Variants in ZNF469 observed in about 807,000 individuals in gnomAD.
ZNF469 encodes zinc finger protein 469.
Under a neutral mutation model 1.0 loss-of-function variants are expected in ZNF469, and 1 was observed. The ratio of observed to expected loss-of-function variants is 1.00; its 90% CI spans 0.35 to 4.73. ZNF469 has a LOEUF of 4.73. ZNF469 is among the 30% of genes most tolerant of loss of function. ZNF469 has a pLI of 0.16. For synonymous variants in ZNF469, 2,703 were observed against 2,363.4 expected, an observed-to-expected ratio of 1.14 and a Z score of -4.17; for missense variants, 6,100 against 5,356.3, an observed-to-expected ratio of 1.14 and a Z score of -4.33.
chr16:88,107,702 G>A, the ZNF469 span, among the ~76,000 whole-genome samples: 2 of 152,216 alleles, frequency 1.3e-5, no homozygotes, highest in African/African-American at 4.8e-5. Context: ...CCCACACAGA[G>A]GCAATGGCCC....
the ZNF469 span, among the ~76,000 whole-genome samples, chr16:88,255,482 C>T: frequency 9.7e-4 from 147 of 152,322 alleles, 1 homozygote; most frequent in African/African-American, 3.4e-3. Flanking sequence ...CAACATTGAG[C>T]AGAAGGTACA....
At chr16:88,176,512 T>G in the ZNF469 span, among the ~76,000 whole-genome samples, 1 of 152,098 alleles carries the variant, frequency 6.6e-6, no homozygotes, top group African/African-American at 2.4e-5. Context: ...GCCAGGAGCT[T>G]CTCCACTAGG....
chr16:88,215,634 C>G, the ZNF469 span, among the ~76,000 whole-genome samples: 1 of 151,994 alleles, frequency 6.6e-6, no homozygotes, highest in South Asian at 2.1e-4. Context: ...AGATGATCTG[C>G]CCACCTCGGC....
intron 1 of ZNF469, among the ~76,000 whole-genome samples, chr16:88,413,669 G>A (rs757279043): frequency 3.3e-5 from 5 of 152,228 alleles, no homozygotes; most frequent in Non-Finnish European, 7.3e-5. Flanking sequence ...CTAGCTGGGC[G>A]TTGAACTCGG....
chr16:88,204,088 G>T, the ZNF469 span, among the ~76,000 whole-genome samples: 1 of 151,086 alleles, frequency 6.6e-6, no homozygotes, highest in Non-Finnish European at 1.5e-5. Flanking sequence ...TAACCCCATA[G>T]AGCAGCCGGA....
the ZNF469 span, among the ~76,000 whole-genome samples, chr16:88,123,143 G>A: frequency 2.0e-5 from 3 of 152,116 alleles, no homozygotes; most frequent in Admixed American, 6.6e-5. Context: ...GCACCATCCC[G>A]AGACTACCCA....
the ZNF469 span, among the ~76,000 whole-genome samples, chr16:88,227,228 C>G: frequency 2.6e-5 from 4 of 152,180 alleles, no homozygotes; most frequent in African/African-American, 4.8e-5. Flanking sequence ...TACATAAGGG[C>G]GGGCACCTGA....
chr16:88,122,140 A>G, the ZNF469 span, among the ~76,000 whole-genome samples: 463 of 140,716 alleles, frequency 3.3e-3, 4 homozygotes, highest in African/African-American at 0.012. Context: ...GTGGCCACTC[A>G]GATCACACCC....
At position 88,435,491 on chromosome 16, in the gene ZNF469, C is replaced by T. The variant is rs539516112; in HGVS notation, c.8021C>T (p.Ser2674Phe). The T allele has an allele frequency of 1.2e-5, 19 of 1,549,116 alleles. No individual in the cohort carries two copies. In the East Asian group the frequency reaches 4.6e-4, roughly 38 times the overall value. ...PSPAMASYAA[S>F]PSHCLSVEGG... ...CCTGCAATGGCCAGTTACGCAGCCT[C>T]TCCGAGCCACTGCCTCTCTGTGGAA... The change falls in exon 3 of 3, where the codon TCT becomes TTT. Residue 2674 changes from serine to phenylalanine, a missense_variant. Transcript: ENST00000565624.
At position 88,404,245 on chromosome 16, in the gene ZNF469, C is replaced by T. The variant is rs114509796; in HGVS notation, c.-191-20562C>T. Among the ~76,000 whole-genome samples, 521 of 152,320 alleles carry T rather than the reference C, an allele frequency of 3.4e-3. 4 individuals are homozygous for T. The highest frequency in any genetic ancestry group is 0.012 in the African/African-American group (490 of 41,562). On this transcript the variant is annotated intron_variant, in intron 1 of 2. Transcript: ENST00000565624. ...CAGCCTGGCTTCATCTGTCTCTGCC[C>T]CCATGCTTATTCTTGCTGTGCTTTT...
At chr16:88,225,578 GCA>G in the ZNF469 span, among the ~76,000 whole-genome samples, 1 of 144,718 alleles carries the variant, frequency 6.9e-6, no homozygotes, top group Non-Finnish European at 1.5e-5. Flanking sequence ...GCCCTCTGCC[GCA>G]GCCTGTGTCT....
At chr16:88,166,952 G>T in the ZNF469 span, among the ~76,000 whole-genome samples, 1 of 151,986 alleles carries the variant, frequency 6.6e-6, no homozygotes, top group African/African-American at 2.4e-5. The surrounding 1 kb of genome is among the most constrained non-coding windows in gnomAD (Gnocchi z 4.5). Context: ...GGGCTGGCGA[G>T]CTCACGGTGT....
chr16:88,307,635 G>T, the ZNF469 span, among the ~76,000 whole-genome samples: 1 of 152,150 alleles, frequency 6.6e-6, no homozygotes, highest in African/African-American at 2.4e-5. Context: ...GACCATTTGT[G>T]TATCTTCTTC....
At chr16:88,391,967 A>G (rs954858506) in intron 1 of ZNF469, among the ~76,000 whole-genome samples, 9 of 152,242 alleles carry the variant, frequency 5.9e-5, no homozygotes, top group Non-Finnish European at 1.3e-4. Flanking sequence ...CCTGTCATAT[A>G]ACACATAACA....
the ZNF469 span, among the ~76,000 whole-genome samples, chr16:88,153,279 G>A: frequency 1.3e-5 from 2 of 152,192 alleles, no homozygotes; most frequent in African/African-American, 2.4e-5. Flanking sequence ...TTCGTGGGGG[G>A]CCTGCGGTGG....
At chr16:88,408,202 G>A (rs1013362087) in intron 1 of ZNF469, among the ~76,000 whole-genome samples, 16 of 152,200 alleles carry the variant, frequency 1.1e-4, no homozygotes, top group Non-Finnish European at 1.5e-5. Context: ...GCCCAGGCTG[G>A]AGTGCAATGG....
At chr16:88,119,934 T>A in the ZNF469 span, among the ~76,000 whole-genome samples, 1 of 152,044 alleles carries the variant, frequency 6.6e-6, no homozygotes, top group Admixed American at 6.6e-5. Context: ...GTCTGTGGAG[T>A]CCTGGCCCGT....
At chr16:88,263,847 A>C in the ZNF469 span, among the ~76,000 whole-genome samples, 2 of 151,956 alleles carry the variant, frequency 1.3e-5, no homozygotes, top group South Asian at 4.2e-4. Context: ...TCCGAGACTG[A>C]TGCGCCGGGC....
At chr16:88,408,205 T>C (rs1249703620) in intron 1 of ZNF469, among the ~76,000 whole-genome samples, 1 of 152,172 alleles carries the variant, frequency 6.6e-6, no homozygotes, top group Non-Finnish European at 1.5e-5. Context: ...CAGGCTGGAG[T>C]GCAATGGCGT....
Sources: gnomAD v4.1 joint callset for allele counts (sites outside exome capture counted in the v4.1 genomes callset) on GRCh38, gnomAD v4.1.1 for gene constraint, Gnocchi (gnomAD v3.1) non-coding constraint, MANE v1.5 for transcripts, NCBI Gene and HGNC (gene_info 2026-07-23, HGNC 2026-07-21) for gene names.